The following LRRK1 variants were observed in gnomAD, a reference collection of about 807,000 sequenced individuals.
The protein encoded by LRRK1 is leucine-rich repeat serine/threonine-protein kinase 1.
LRRK1 carries 113 observed loss-of-function variants against 209.1 expected under a neutral mutation model. The ratio of observed to expected loss-of-function variants is 0.54; its 90% confidence interval spans 0.46 to 0.63. The LOEUF is 0.63. Among genes scored for constraint, LRRK1 ranks in the 30% least tolerant of loss-of-function variants. The probability of loss-of-function intolerance (pLI) is 0.00; values close to 1 mark genes in which losing one functional copy is unlikely to be tolerated. For synonymous variants in LRRK1, 1,144 were observed against 1,099.7 expected (o/e 1.04, Z -0.80); for missense variants, 2,284 against 2,632.2 (o/e 0.87, Z 2.89).
chr15:100,952,991 G>T (rs1372264387), intron 2 of LRRK1, among the ~76,000 whole-genome samples: 1 of 151,894 alleles, frequency 6.6e-6, no homozygotes, highest in African/African-American at 2.4e-5. Flanking sequence ...GTTTTATTGA[G>T]GTATAATTGC....
rs61733308 is a variant in LRRK1, at chr15:101,066,000, T to A, written c.5563T>A (p.Ser1855Thr). Reference protein sequence around the residue: ...SSSPPRQAARSPSSLPSSPAS... With the variant: ...SSSPPRQAARTPSSLPSSPAS... ...ATCCCCACCCCGCCAGGCTGCCAGG[T>A]CCCCCTCAAGCCTCCCCAGCTCCCC... The change falls in exon 32 of 34, where the codon TCC becomes ACC. Residue 1855 changes from serine (S) to threonine (T), a missense_variant. Around this residue, in one of 6 missense-constraint regions of LRRK1, gnomAD observed 643 missense variants for 695.9 expected, o/e 0.92. Coordinates refer to ENST00000388948, the MANE Select transcript of LRRK1 (RefSeq NM_024652.6). 2.5e-6 allele frequency: 4 copies of A among 1,613,790 alleles called. 1 individual carries two copies. The South Asian group carries it at 3.3e-5, about 13-fold the overall frequency.
At chr15:101,056,002 A>G (rs1217136032) in intron 27 of LRRK1, among the ~76,000 whole-genome samples, 1 of 152,238 alleles carries the variant, frequency 6.6e-6, no homozygotes, top group Non-Finnish European at 1.5e-5. Flanking sequence ...TGCCCATAGA[A>G]AAGGCAAATC....
intron 2 of LRRK1, among the ~76,000 whole-genome samples, chr15:100,972,755 GTATTCTTTCCCTATTT>G (rs1447939813): frequency 6.6e-6 from 1 of 152,152 alleles, no homozygotes; most frequent in African/African-American, 2.4e-5. Context: ...TTTCACAACA[GTATTCTTTCCCTATTT>G]CTGCTATCAC....
chr15:101,054,394 T>C (rs2035669981), intron 26 of LRRK1, among the ~76,000 whole-genome samples: 1 of 152,244 alleles, frequency 6.6e-6, no homozygotes, highest in African/African-American at 2.4e-5. Context: ...AGGAATAAGA[T>C]ATCAGGAATG....
chr15:101,061,895 C>G (rs967071597), intron 30 of LRRK1, among the ~76,000 whole-genome samples: 25 of 152,206 alleles, frequency 1.6e-4, no homozygotes, highest in Non-Finnish European at 2.9e-5. Flanking sequence ...GTGTTCCCAG[C>G]TACTCAGGAG....
intron 3 of LRRK1, among the ~76,000 whole-genome samples, chr15:100,979,836 A>G (rs1596230325): frequency 6.6e-6 from 1 of 152,252 alleles, no homozygotes; most frequent in Non-Finnish European, 1.5e-5. Context: ...GATGTTCAAC[A>G]TCGTTAGCCA....
chr15:100,938,340 A>G (rs2042340183), intron 2 of LRRK1, among the ~76,000 whole-genome samples: 1 of 152,248 alleles, frequency 6.6e-6, no homozygotes, highest in Non-Finnish European at 1.5e-5. Context: ...TGGGATACAG[A>G]GTGATACTTG....
At chr15:101,040,485 T>A (rs2034698312) in intron 20 of LRRK1, among the ~76,000 whole-genome samples, 1 of 152,190 alleles carries the variant, frequency 6.6e-6, no homozygotes, top group Non-Finnish European at 1.5e-5. Context: ...TTGCCATTGC[T>A]GATTTCTTCT....
chr15:100,940,253 T>G (rs1053620688), intron 2 of LRRK1, among the ~76,000 whole-genome samples: 24 of 152,298 alleles, frequency 1.6e-4, no homozygotes, highest in African/African-American at 5.5e-4. Context: ...TCCATAAGAT[T>G]GTTTATTTCA....
In LRRK1 at chr15:101,008,886, A is replaced by C; in HGVS notation, c.812A>C (p.Asp271Ala). ...CTCAGACTGCCCTGGGTAGACCTAG[A>C]CTGGCTCATAGACATCTCCTGCCAG... ...SHLRLPWVDL[D>A]WLIDISCQIT... is the part of the protein sequence containing the mutation. Residue 271 changes from aspartate (D) to alanine (A), a missense_variant, in exon 7 of 34, where the codon GAC becomes GCC. Coordinates refer to ENST00000388948, the MANE Select transcript of LRRK1 (RefSeq NM_024652.6). The C allele has an allele frequency of 6.2e-7, 1 of 1,614,082 alleles. No individual in the cohort carries two copies. Among genetic ancestry groups the C allele is most frequent in the African/African-American group, 1.3e-5 (1 of 74,992 alleles).
At chr15:101,064,054 C>T (rs1360612783) in intron 31 of LRRK1, among the ~76,000 whole-genome samples, 1 of 152,240 alleles carries the variant, frequency 6.6e-6, no homozygotes, top group Non-Finnish European at 1.5e-5. Flanking sequence ...TCCAAGGCCG[C>T]CAGCGCGAAG....
At position 101,061,199 on chromosome 15, in the gene LRRK1, G is replaced by C. The variant is rs1220581195; in HGVS notation, c.4708G>C (p.Gly1570Arg). ...CTACACGGTGGTGAACACAGAGAAGGGCCTCATGGAGGTGCAGAGGATGTG... is the reference window on the plus strand; with the variant it reads ...CTACACGGTGGTGAACACAGAGAAGCGCCTCATGGAGGTGCAGAGGATGTG... ...RNYTVVNTEKGLMEVQRMCCP... is the reference protein window; with the variant it reads ...RNYTVVNTEKRLMEVQRMCCP... Residue 1570 changes from glycine (G) to arginine (R), a missense_variant, in exon 30 of 34, where the codon GGC (glycine) becomes CGC (arginine). Physicochemically the swap from Gly to Arg is moderately radical, Grantham distance 125. Coordinates refer to ENST00000388948, the MANE Select transcript of LRRK1 (RefSeq NM_024652.6). The C allele has an allele frequency of 1.2e-6, 2 of 1,614,078 alleles. No homozygotes were observed. The highest frequency in any genetic ancestry group is 3.3e-5 in the Admixed American group (2 of 60,018).
rs1351971255 is a variant in LRRK1 at position 101,029,041 on chromosome 15, T to G, written c.2772T>G (p.Pro924=). The G allele has an allele frequency of 6.2e-7, 1 of 1,614,180 alleles. No homozygotes were observed. The highest frequency in any genetic ancestry group is 1.1e-5 in the South Asian group (1 of 91,078). ...HGLRNLYFLD[P]IWLSECLQRI... ...TGAGGAACCTCTACTTCCTCGACCC[T>G]ATTTGGCTCTCCGAATGTCTGCAGA... The change falls in exon 20 of 34, where the codon CCT becomes CCG. Residue 924 remains proline (P), a synonymous_variant. Coordinates refer to ENST00000388948, the MANE Select transcript of LRRK1 (RefSeq NM_024652.6).
intron 31 of LRRK1, chr15:101,065,009 A>G (rs1384735398): frequency 9.4e-6 from 3 of 318,474 alleles, no homozygotes; most frequent in East Asian, 6.7e-5. Context: ...GGCCTCAAGG[A>G]GAAGGCAGCT....
At chr15:101,030,611 C>A (rs1369827282) in intron 20 of LRRK1, among the ~76,000 whole-genome samples, 1 of 152,132 alleles carries the variant, frequency 6.6e-6, no homozygotes, top group East Asian at 1.9e-4. Context: ...GAGTGGCACT[C>A]TAGGCTCCAA....
intron 31 of LRRK1, among the ~76,000 whole-genome samples, chr15:101,064,130 G>A (rs928372125): frequency 7.2e-5 from 11 of 152,398 alleles, no homozygotes; most frequent in African/African-American, 1.9e-4. Context: ...CGCCCTGGCC[G>A]GGGCCTGAGC....
intron 16 of LRRK1, among the ~76,000 whole-genome samples, chr15:101,025,598 C>A (rs2033991127): frequency 6.6e-6 from 1 of 152,196 alleles, no homozygotes; most frequent in Admixed American, 6.5e-5. Flanking sequence ...GGGGAGCCAG[C>A]ATGTCACATA....
At chr15:101,042,430 C>T (rs2034809220) in intron 20 of LRRK1, among the ~76,000 whole-genome samples, 1 of 152,162 alleles carries the variant, frequency 6.6e-6, no homozygotes, top group Non-Finnish European at 1.5e-5. Flanking sequence ...ATGCCACCTC[C>T]TCTCATGTGA....
At position 101,002,775 on chromosome 15, in the gene LRRK1, C is replaced by T. The variant is rs150843283; in HGVS notation, c.763-6062C>T. ...TTGAGATGGAATCTGGCTCTGTCAC[C>T]CAGGTTGGAGTGCAGGGGTGCAATC... On this transcript the variant is annotated intron_variant, in intron 6 of 33. Coordinates refer to ENST00000388948, the MANE Select transcript of LRRK1 (RefSeq NM_024652.6). Among the ~76,000 whole-genome samples, 242 of 152,186 alleles carry T rather than the reference C, an allele frequency of 1.6e-3. 1 individual carries two copies. The highest frequency in any genetic ancestry group is 5.5e-3 in the African/African-American group (228 of 41,534).
Sources: gnomAD v4.1 joint callset for allele counts (sites outside exome capture counted in the v4.1 genomes callset) on GRCh38, gnomAD v4.1.1 for gene constraint, gnomAD v4.1.1 regional missense constraint, MANE v1.5 for transcripts, NCBI Gene and HGNC (gene_info 2026-07-23, HGNC 2026-07-21) for gene names.